Variants in CAMTA1 observed in about 807,000 individuals in gnomAD.
CAMTA1 encodes calmodulin binding transcription activator 1, also known as calmodulin-binding transcription activator 1.
A neutral mutation model predicts 170.9 loss-of-function variants in CAMTA1; 27 were observed. The ratio of observed to expected loss-of-function variants is 0.16; its 90% CI spans 0.12 to 0.22. CAMTA1 has a LOEUF of 0.22. Among genes scored for constraint, CAMTA1 ranks in the 10% least tolerant of loss-of-function variants. CAMTA1 has a pLI of 1.00. For synonymous variants in CAMTA1, 833 were observed against 891.5 expected (o/e 0.93, Z 1.17); for missense variants, 1,619 against 2,217.2 (o/e 0.73, Z 5.42).
intron 5 of CAMTA1, among the ~76,000 whole-genome samples, chr1:7,326,164 A>T (rs1679234258): frequency 6.6e-6 from 1 of 152,170 alleles, no homozygotes; most frequent in Non-Finnish European, 1.5e-5. Flanking sequence ...TGGCCGACAG[A>T]TCCAGGTTTT....
intron 11 of CAMTA1, among the ~76,000 whole-genome samples, chr1:7,717,500 C>T (rs1288806672): frequency 1.3e-5 from 2 of 152,088 alleles, no homozygotes; most frequent in Non-Finnish European, 2.9e-5. Flanking sequence ...AATCTCAGCA[C>T]TTTGGGAGGC....
At chr1:7,174,376 AC>A (rs1650317620) in intron 4 of CAMTA1, among the ~76,000 whole-genome samples, 1 of 152,268 alleles carries the variant, frequency 6.6e-6, no homozygotes, top group African/African-American at 2.4e-5. Context: ...GTAAACAGCC[AC>A]AATGGAATTG....
intron 11 of CAMTA1, among the ~76,000 whole-genome samples, chr1:7,730,761 T>C (rs1455226869): frequency 6.6e-6 from 1 of 152,058 alleles, no homozygotes; most frequent in Non-Finnish European, 1.5e-5. Context: ...TAGCTGGGCC[T>C]GGTGGCATGT....
chr1:7,410,917 G>GTGTATGTCTGTGTGTATGTGTGTATA (rs1298420748), intron 5 of CAMTA1, among the ~76,000 whole-genome samples: 2 of 147,490 alleles, frequency 1.4e-5, no homozygotes, highest in African/African-American at 5.3e-5. Flanking sequence ...GTGTGTGTGT[G>GTGTATGTCTGTGTGTATGTGTGTATA]TGTGTGTATG....
At chr1:6,896,827 A>T (rs183133965) in intron 3 of CAMTA1, among the ~76,000 whole-genome samples, 1 of 152,252 alleles carries the variant, frequency 6.6e-6, no homozygotes. Flanking sequence ...CTCGTTGGGG[A>T]CTGGATTGTA....
intron 3 of CAMTA1, among the ~76,000 whole-genome samples, chr1:7,012,951 C>T (rs916677330): frequency 7.2e-5 from 11 of 152,170 alleles, no homozygotes; most frequent in Non-Finnish European, 4.4e-5. Context: ...GTAATCTCTC[C>T]CCACATCTGA....
At position 7,437,183 on chromosome 1, in the gene CAMTA1, C is replaced by T. The variant is rs531043911; in HGVS notation, c.439-30647C>T. ...TGCCTGGATGCCGGAGGCAGGTCTC[C>T]GGTGTCCAACCAGCAGCCTGGCCCC... On this transcript the variant is annotated intron_variant, in intron 5 of 22. Transcript: ENST00000303635. Among the ~76,000 whole-genome samples, 8 of 152,294 alleles carry T rather than the reference C, an allele frequency of 5.3e-5. No homozygotes were observed. In the South Asian group the frequency reaches 1.2e-3, roughly 24 times the overall value.
intron 3 of CAMTA1, among the ~76,000 whole-genome samples, chr1:7,011,499 C>G (rs774211533): frequency 6.6e-6 from 1 of 152,102 alleles, no homozygotes; most frequent in Non-Finnish European, 1.5e-5. Context: ...ATGCGGAGGA[C>G]CTACCTTGAC....
chr1:7,075,057 A>G (rs1340546696), intron 3 of CAMTA1, among the ~76,000 whole-genome samples: 1 of 152,214 alleles, frequency 6.6e-6, no homozygotes, highest in Non-Finnish European at 1.5e-5. Flanking sequence ...AACAATAACA[A>G]CCTATTCCCA....
At chr1:7,602,922 C>T (rs1433144853) in intron 6 of CAMTA1, among the ~76,000 whole-genome samples, 2 of 152,178 alleles carry the variant, frequency 1.3e-5, no homozygotes, top group Non-Finnish European at 2.9e-5. Context: ...ACCCAGTAGT[C>T]ATTCAGGAGC....
At chr1:7,237,271 C>T (rs769416709) in intron 4 of CAMTA1, among the ~76,000 whole-genome samples, 5 of 152,126 alleles carry the variant, frequency 3.3e-5, no homozygotes, top group Admixed American at 6.5e-5. Flanking sequence ...GAGCAATAGC[C>T]GGTCAACCTG....
intron 3 of CAMTA1, among the ~76,000 whole-genome samples, chr1:6,964,109 C>T (rs953911295): frequency 1.3e-5 from 2 of 151,884 alleles, no homozygotes; most frequent in African/African-American, 4.8e-5. Context: ...TGGGTGGGGG[C>T]ACAGTACCTT....
At chr1:6,994,050 T>C (rs1027276119) in intron 3 of CAMTA1, among the ~76,000 whole-genome samples, 2 of 152,214 alleles carry the variant, frequency 1.3e-5, no homozygotes, top group Admixed American at 6.5e-5. Flanking sequence ...AATCTACATG[T>C]AGTTAATATT....
intron 11 of CAMTA1, among the ~76,000 whole-genome samples, chr1:7,719,782 C>A (rs1030017288): frequency 2.0e-5 from 3 of 152,182 alleles, no homozygotes; most frequent in African/African-American, 7.2e-5. Context: ...TTCATTTTCC[C>A]TGTCCTTCTG....
At chr1:7,289,628 A>G (rs1672834097) in intron 5 of CAMTA1, among the ~76,000 whole-genome samples, 1 of 152,202 alleles carries the variant, frequency 6.6e-6, no homozygotes, top group African/African-American at 2.4e-5. Context: ...GGCTTTGCAG[A>G]TCTAATTAAT....
At chr1:7,458,565 G>T (rs78320724) in intron 5 of CAMTA1, among the ~76,000 whole-genome samples, 10,130 of 152,120 alleles carry the variant, frequency 0.067, 569 homozygotes, top group East Asian at 0.2. Context: ...GAGCCTTCCC[G>T]CCCCTGCCCA....
At chr1:7,078,002 A>C (rs1247034927) in intron 3 of CAMTA1, among the ~76,000 whole-genome samples, 2 of 152,116 alleles carry the variant, frequency 1.3e-5, no homozygotes, top group Non-Finnish European at 2.9e-5. Flanking sequence ...ACACACACAC[A>C]CACACATACA....
At chr1:6,806,368 T>C (rs567494186) in intron 1 of CAMTA1, among the ~76,000 whole-genome samples, 1 of 152,322 alleles carries the variant, frequency 6.6e-6, no homozygotes, top group South Asian at 2.1e-4. Context: ...CGTATGAATA[T>C]TAGGATCAGC....
intron 3 of CAMTA1, among the ~76,000 whole-genome samples, chr1:6,907,814 C>T (rs1290403822): frequency 6.6e-6 from 1 of 152,180 alleles, no homozygotes; most frequent in Non-Finnish European, 1.5e-5. Context: ...TCCAGCCCTT[C>T]TGCTCCTGCC....
Sources: gnomAD v4.1 joint callset for allele counts (sites outside exome capture counted in the v4.1 genomes callset) on GRCh38, gnomAD v4.1.1 for gene constraint, MANE v1.5 for transcripts, NCBI Gene and HGNC (gene_info 2026-07-23, HGNC 2026-07-21) for gene names.